PHF3: variants seen among roughly 807,000 people sequenced by gnomAD.
PHF3 encodes the protein PHD finger protein 3.
A neutral mutation model predicts 178.4 loss-of-function variants in PHF3; 41 were observed. That is an observed-to-expected ratio of 0.23 (90% CI 0.18 to 0.30). The LOEUF is 0.30. Among genes scored for constraint, PHF3 ranks in the 10% least tolerant of loss-of-function variants. The probability of loss-of-function intolerance (pLI) is 1.00; values close to 1 mark genes in which losing one functional copy is unlikely to be tolerated. For missense variants in PHF3, 2,346 were observed against 2,398.1 expected (o/e 0.98, Z 0.45); for synonymous variants, 842 against 800.5 (o/e 1.05, Z -0.88).
rs369377598 is a variant in PHF3, at chr6:63,706,806, A to G, written c.3641A>G (p.Asn1214Ser). ...RLNFIWKGFI[N>S]MPSVAKFVTK... ...AACTTCATCTGGAAAGGTTTTATCA[A>G]CATGCCTTCTGTGGCAAAATTTGTT... The change falls in exon 13 of 16, where the codon AAC (asparagine) becomes AGC (serine). Residue 1214 changes from asparagine (N) to serine (S), a missense_variant. Asn to Ser is a conservative substitution (Grantham distance 46, BLOSUM62 1). This residue lies in a region of PHF3 where 205 missense variants were observed against 212.4 expected (regional missense o/e 0.97). Transcript: ENST00000262043. 16 of 1,613,938 alleles carry G rather than the reference A, an allele frequency of 9.9e-6. No individual in the cohort carries two copies. The highest frequency in any genetic ancestry group is 1.7e-5 in the Admixed American group (1 of 60,002).
Position 63,694,715 on chromosome 6 carries a change from G to T in PHF3, c.2631G>T (p.Pro877=), listed in dbSNP as rs149864298. 6.3e-7 allele frequency: 1 copy of T among 1,597,716 alleles called. No individual in the cohort carries two copies. The highest frequency in any genetic ancestry group is 8.5e-7 in the Non-Finnish European group (1 of 1,171,758). ...RSSEEKSEKI[P]KESTTVTCTG... ...CAGAAGAAAAAAGTGAAAAAATACC[G>T]AAAGAGTCTACAACTGTTACTTGCA... The change falls in exon 6 of 16, where the codon CCG becomes CCT. Residue 877 remains proline (P), a synonymous_variant. Coordinates refer to ENST00000262043, the MANE Select transcript of PHF3 (RefSeq NM_001370348.2).
At position 63,721,872 on chromosome 6, in the gene PHF3, A is replaced by G; in HGVS notation, c.*8164A>G. 1 of 1,348,792 alleles carries G rather than the reference A, an allele frequency of 7.4e-7. No individual in the cohort carries two copies. 83.6% of individuals were successfully genotyped at this position (1,348,792 alleles called of 1,614,324 possible). A position where few individuals can be genotyped will look rare whatever the true frequency, so the allele number is the denominator to read the frequency against. On this transcript the variant is annotated 3_prime_UTR_variant, in exon 16 of 16. Coordinates refer to ENST00000262043, the MANE Select transcript of PHF3 (RefSeq NM_001370348.2). Reference sequence around the variant, plus strand: ...TTGAAAACTTTTGCTGTTTCTGGCCAAGTTGGATAAGTTTTAGTTATGGGG... The same window carrying G: ...TTGAAAACTTTTGCTGTTTCTGGCCGAGTTGGATAAGTTTTAGTTATGGGG...
rs115031975 is a variant in PHF3, at chr6:63,716,580, C to G, written c.*2872C>G. 2.0e-5 allele frequency among the ~76,000 whole-genome samples: 3 copies of G among 152,056 alleles called. No homozygotes were observed. Among genetic ancestry groups the G allele is most frequent in the Non-Finnish European group, 2.9e-5 (2 of 68,000 alleles). Reference sequence around the variant, plus strand: ...AAAACCACACAAATTTATGATCTTACGGTTCTGTGGATCAGAAGTCTGTGC... The same window carrying G: ...AAAACCACACAAATTTATGATCTTAGGGTTCTGTGGATCAGAAGTCTGTGC... On this transcript the variant is annotated 3_prime_UTR_variant, in exon 16 of 16. Coordinates refer to ENST00000262043, the MANE Select transcript of PHF3 (RefSeq NM_001370348.2).
In PHF3 at chr6:63,724,728, G is replaced by A. The variant is rs950809617; in HGVS notation, c.*11020G>A. Among the ~76,000 whole-genome samples the A allele has an allele frequency of 5.3e-5, 8 of 152,128 alleles. No homozygotes were observed. The East Asian group carries it at 9.6e-4, about 18-fold the overall frequency. Reference sequence around the variant, plus strand: ...TTTTGTTTTAAATTTTACACTACTTGAGAGTACTCAAATTATTAACCTCTA... The same window carrying A: ...TTTTGTTTTAAATTTTACACTACTTAAGAGTACTCAAATTATTAACCTCTA... On this transcript the variant is annotated 3_prime_UTR_variant, in exon 16 of 16. Coordinates refer to ENST00000262043, the MANE Select transcript of PHF3 (RefSeq NM_001370348.2).
In PHF3 at chr6:63,691,700, A is replaced by G. The variant is rs777319637; in HGVS notation, c.2190-37A>G. 5.5e-5 allele frequency: 82 copies of G among 1,493,550 alleles called. 1 individual carries two copies. The Admixed American group carries it at 6.2e-4, about 11-fold the overall frequency. 92.5% of individuals were successfully genotyped at this position (1,493,550 alleles called of 1,614,324 possible). Reference sequence around the variant, plus strand: ...TTTTGACATAGATTTTCTTGTTAAAAAAAGGGATAAAAGTTTTTTGGTGTT... The same window carrying G: ...TTTTGACATAGATTTTCTTGTTAAAGAAAGGGATAAAAGTTTTTTGGTGTT... On this transcript the variant is annotated intron_variant, in intron 4 of 15. Transcript: ENST00000262043.
At position 63,646,576 on chromosome 6, in the gene PHF3, C is replaced by A; in HGVS notation, c.25C>A (p.His9Asn). Reference protein sequence around the residue: MDIVDTFNHLIPTEHLDDA... With the variant: MDIVDTFNNLIPTEHLDDA... Reference sequence around the variant, plus strand: ...CATGGATATAGTTGATACATTTAATCATTTAATTCCTACTGAACACTTAGA... The same window carrying A: ...CATGGATATAGTTGATACATTTAATAATTTAATTCCTACTGAACACTTAGA... The change falls in exon 2 of 16, where the codon CAT (histidine) becomes AAT (asparagine). Residue 9 changes from histidine to asparagine, a missense_variant. By Grantham distance (68) the His-to-Asn change is moderately conservative. Transcript: ENST00000262043. 6.2e-7 allele frequency: 1 copy of A among 1,610,672 alleles called. No individual in the cohort carries two copies. Among genetic ancestry groups the A allele is most frequent in the South Asian group, 1.1e-5 (1 of 90,950 alleles).
At chr6:63,709,051 T>C in intron 13 of PHF3, 100 bp from the exon 14 acceptor site, 1 of 588,406 alleles carries the variant, frequency 1.7e-6, no homozygotes, top group Non-Finnish European at 2.8e-6. Flanking sequence ...TTTTTATTAC[T>C]GTTTCAAATT....
At position 63,720,945 on chromosome 6, in the gene PHF3, GAGATTCTTTCTCCCAAGTT is replaced by G. The variant is rs1250121530; in HGVS notation, c.*7239_*7257del. 1 of 1,551,328 alleles carries G rather than the reference GAGATTCTTTCTCCCAAGTT, an allele frequency of 6.4e-7. No individual in the cohort carries two copies. Among genetic ancestry groups the G allele is most frequent in the Admixed American group, 2.0e-5 (1 of 50,978 alleles). On this transcript the variant is annotated 3_prime_UTR_variant, in exon 16 of 16. Coordinates refer to ENST00000262043, the MANE Select transcript of PHF3 (RefSeq NM_001370348.2). ...GCCATTGTTATAGCTCATAGGCACAGAGATTCTTTCTCCCAAGTTAACTGCTATTTTCAAGGTCTGATTA... is the reference window on the plus strand; with the variant it reads ...GCCATTGTTATAGCTCATAGGCACAGAACTGCTATTTTCAAGGTCTGATTA...
intron 1 of PHF3, among the ~76,000 whole-genome samples, chr6:63,639,558 A>C (rs1395480581): frequency 2.0e-5 from 3 of 152,186 alleles, no homozygotes; most frequent in African/African-American, 7.2e-5. Context: ...TAAAAGCATA[A>C]AAATTAATGT....
intron 2 of PHF3, among the ~76,000 whole-genome samples, chr6:63,668,551 A>G (rs1035266181): frequency 6.6e-6 from 1 of 152,090 alleles, no homozygotes; most frequent in Admixed American, 6.6e-5. Flanking sequence ...CATGTTGCCC[A>G]GGCTAGTCTT....
intron 4 of PHF3, among the ~76,000 whole-genome samples, chr6:63,691,406 T>C (rs953965092): frequency 6.6e-6 from 1 of 152,218 alleles, no homozygotes; most frequent in Admixed American, 6.5e-5. Context: ...GATAAATTTA[T>C]TGTTAGTCTA....
At chr6:63,674,460 A>G (rs970815007) in intron 2 of PHF3, among the ~76,000 whole-genome samples, 1 of 151,818 alleles carries the variant, frequency 6.6e-6, no homozygotes, top group Non-Finnish European at 1.5e-5. Flanking sequence ...GATAATATCT[A>G]CAAGGATAAA....
chr6:63,680,184 GC>G, intron 3 of PHF3, 23 bp downstream of exon 3: 2 of 1,569,888 alleles, frequency 1.3e-6, no homozygotes, highest in South Asian at 2.4e-5. Context: ...GAGAGGTCTA[GC>G]TAGAAAATTA....
chr6:63,643,826 C>T (rs994305612), intron 1 of PHF3, among the ~76,000 whole-genome samples: 6 of 152,108 alleles, frequency 3.9e-5, no homozygotes, highest in Non-Finnish European at 8.8e-5. Context: ...AAAAATCGAT[C>T]TTCAAGAAAT....
intron 8 of PHF3, 54 bp from the exon 9 acceptor site, chr6:63,700,296 T>G (rs944756963): frequency 2.6e-6 from 2 of 756,538 alleles, no homozygotes; most frequent in Admixed American, 4.6e-5. Context: ...TTCTGTGTAG[T>G]AGCCACTCAA....
chr6:63,706,953 A>G, intron 13 of PHF3, 77 bp downstream of exon 13: 1 of 1,245,116 alleles, frequency 8.0e-7, no homozygotes, highest in East Asian at 2.3e-5. Context: ...GGGAAATAAG[A>G]CAGAGTTAGT....
At chr6:63,687,567 G>A (rs991939846) in intron 4 of PHF3, among the ~76,000 whole-genome samples, 2 of 152,112 alleles carry the variant, frequency 1.3e-5, no homozygotes, top group Non-Finnish European at 2.9e-5. Flanking sequence ...ATTATCATGT[G>A]GACAGAGAGA....
At chr6:63,678,411 A>C (rs528329320) in intron 2 of PHF3, among the ~76,000 whole-genome samples, 6 of 152,174 alleles carry the variant, frequency 3.9e-5, no homozygotes, top group African/African-American at 1.4e-4. Context: ...TTCTCCTCCA[A>C]ACTTTTAGCG....
chr6:63,672,822 A>G (rs1765979415), intron 2 of PHF3, among the ~76,000 whole-genome samples: 1 of 152,158 alleles, frequency 6.6e-6, no homozygotes, highest in Non-Finnish European at 1.5e-5. Context: ...TACTTGAACC[A>G]CTCAGACTTC....
Sources: allele counts gnomAD v4.1 joint callset (sites outside exome capture counted in the v4.1 genomes callset), GRCh38; gene constraint gnomAD v4.1.1; regional missense constraint gnomAD v4.1.1; transcripts MANE v1.5; gene names NCBI Gene and HGNC (gene_info 2026-07-23, HGNC 2026-07-21).